Variants in FANK1 observed in about 807,000 individuals in gnomAD.
The protein encoded by FANK1 is fibronectin type 3 and ankyrin repeat domains protein 1.
FANK1 carries 44 observed loss-of-function variants against 45.3 expected under a neutral mutation model. That is an observed-to-expected ratio of 0.97 (90% CI 0.76 to 1.25). The LOEUF (loss-of-function observed/expected upper bound fraction) is 1.25. Among genes scored for constraint, FANK1 ranks in the 50% most tolerant of loss-of-function variants. The pLI, the probability that FANK1 is intolerant of heterozygous loss-of-function variation, is 0.00. For missense variants in FANK1, 391 were observed against 424.4 expected (o/e 0.92, Z 0.69); for synonymous variants, 149 against 152.5 (o/e 0.98, Z 0.17).
At chr10:126,006,445 C>T (rs886758688) in intron 7 of FANK1, among the ~76,000 whole-genome samples, 10 of 152,296 alleles carry the variant, frequency 6.6e-5, no homozygotes, top group Middle Eastern at 3.4e-3. Context: ...GCCGGGCCCA[C>T]GTGCCATGTG....
intron 1 of FANK1, 116 bp from the exon 2 acceptor site, chr10:125,980,045 T>C: frequency 9.4e-7 from 1 of 1,068,266 alleles, no homozygotes; most frequent in South Asian, 1.6e-5. Flanking sequence ...TATGCTCATA[T>C]GTGTGCCTTA....
intron 1 of FANK1, among the ~76,000 whole-genome samples, chr10:125,897,385 C>T (rs1161258203): frequency 6.6e-6 from 1 of 152,000 alleles, no homozygotes; most frequent in African/African-American, 2.4e-5. Flanking sequence ...CAAGGCCTTT[C>T]TTTCTCTGCC....
chr10:125,943,587 A>G (rs1948589460), intron 1 of FANK1, among the ~76,000 whole-genome samples: 1 of 152,210 alleles, frequency 6.6e-6, no homozygotes, highest in African/African-American at 2.4e-5. Flanking sequence ...GAATTATACA[A>G]TATGTGACCG....
chr10:125,958,579 C>T (rs931806910), intron 1 of FANK1, among the ~76,000 whole-genome samples: 3 of 152,110 alleles, frequency 2.0e-5, no homozygotes, highest in African/African-American at 7.2e-5. Flanking sequence ...TTTTCCATAG[C>T]GGCTATACTA....
chr10:125,973,323 AT>A (rs1950637054), intron 1 of FANK1: 1 of 497,678 alleles, frequency 2.0e-6, no homozygotes, highest in Non-Finnish European at 2.6e-6. Flanking sequence ...GCTTCTGGTT[AT>A]TTTGGGGGTA....
chr10:125,943,573 C>A (rs1311667163), intron 1 of FANK1, among the ~76,000 whole-genome samples: 1 of 152,166 alleles, frequency 6.6e-6, no homozygotes, highest in Non-Finnish European at 1.5e-5. Flanking sequence ...ATTTTGTATA[C>A]ATAGAATTAT....
chr10:126,005,409 G>A (rs960000596), intron 7 of FANK1, among the ~76,000 whole-genome samples: 2 of 151,222 alleles, frequency 1.3e-5, no homozygotes, highest in African/African-American at 4.9e-5. Context: ...CCAGGTTCAA[G>A]CGATTCTCCT....
At chr10:125,950,863 A>C (rs1035699822) in intron 1 of FANK1, among the ~76,000 whole-genome samples, 3 of 149,470 alleles carry the variant, frequency 2.0e-5, no homozygotes, top group Admixed American at 1.3e-4. Flanking sequence ...ACAATGATAG[A>C]CTGGATTAAG....
rs201552358 is a variant in FANK1, at chr10:126,004,921, G to A, written c.577G>A (p.Val193Met). ...GTGCTATGCGGGACACCTAGATGTTGTGAAATATCTCCGAAGACATGGCGC... is the reference window on the plus strand; with the variant it reads ...GTGCTATGCGGGACACCTAGATGTTATGAAATATCTCCGAAGACATGGCGC... ...LACYAGHLDV[V>M]KYLRRHGASW... Residue 193 changes from valine to methionine, a missense_variant, in exon 7 of 11, where the codon GTG (valine) becomes ATG (methionine). Physicochemically the swap from Val to Met is conservative, Grantham distance 21. Transcript: ENST00000368693. The A allele has an allele frequency of 6.2e-7, 1 of 1,614,226 alleles. No individual in the cohort carries two copies. The highest frequency in any genetic ancestry group is 8.5e-7 in the Non-Finnish European group (1 of 1,180,046).
rs561160252 is a variant in FANK1 at position 125,964,439 on chromosome 10, C to T, written c.14-15722C>T. Among the ~76,000 whole-genome samples, 8 of 152,154 alleles carry T rather than the reference C, an allele frequency of 5.3e-5. No homozygotes were observed. The South Asian group carries it at 6.2e-4, about 12-fold the overall frequency. On this transcript the variant is annotated intron_variant, in intron 1 of 10. Transcript: ENST00000368693. ...AACTCCTGACCTCAAGTGATCCACC[C>T]GTCTAGGCCTCCGAAAGTGCTGGAA...
At position 125,966,526 on chromosome 10, in the gene FANK1, A is replaced by C. The variant is rs576975141; in HGVS notation, c.14-13635A>C. Among the ~76,000 whole-genome samples the C allele has an allele frequency of 2.0e-5, 3 of 152,138 alleles. No individual in the cohort carries two copies. The South Asian group carries it at 6.2e-4, about 32-fold the overall frequency. On this transcript the variant is annotated intron_variant, in intron 1 of 10. Transcript: ENST00000368693. Reference sequence around the variant, plus strand: ...CTTCCCTCTTGGTCATCTTGGTTACACCTGTGCCCTCAGGACACAGGAGAG... The same window carrying C: ...CTTCCCTCTTGGTCATCTTGGTTACCCCTGTGCCCTCAGGACACAGGAGAG...
At chr10:126,008,910 G>T in intron 8 of FANK1, 144 bp from the exon 9 acceptor site, 1 of 721,248 alleles carries the variant, frequency 1.4e-6, no homozygotes, top group Non-Finnish European at 2.3e-6. Context: ...GAAGCGCTGT[G>T]CCTGCAGGCC....
intron 1 of FANK1, among the ~76,000 whole-genome samples, chr10:125,928,148 A>G (rs1475649198): frequency 6.6e-6 from 1 of 152,192 alleles, no homozygotes; most frequent in Non-Finnish European, 1.5e-5. Flanking sequence ...TTAAGAAAGT[A>G]GAAGAATAAA....
chr10:125,952,736 AGTT>A (rs1728689520), intron 1 of FANK1, among the ~76,000 whole-genome samples: 1 of 145,016 alleles, frequency 6.9e-6, no homozygotes, highest in South Asian at 2.2e-4. Context: ...TTGTTCTGTG[AGTT>A]GTTTGTCTCC....
At chr10:125,967,158 GTTT>G (rs1460312301) in intron 1 of FANK1, among the ~76,000 whole-genome samples, 1 of 152,002 alleles carries the variant, frequency 6.6e-6, no homozygotes. Context: ...TTCCTCTCTG[GTTT>G]TTATTTTTTG....
chr10:125,903,675 T>A (rs200536906), intron 1 of FANK1, among the ~76,000 whole-genome samples: 1 of 127,952 alleles, frequency 7.8e-6, no homozygotes, highest in South Asian at 2.6e-4. Flanking sequence ...AATTTTTTTT[T>A]AAGTTTTAAT....
chr10:125,965,611 C>T (rs769138483), intron 1 of FANK1, among the ~76,000 whole-genome samples: 6 of 152,204 alleles, frequency 3.9e-5, no homozygotes, highest in Non-Finnish European at 7.3e-5. Context: ...TAGCTTTGAA[C>T]AGGCTGCTGT....
chr10:126,001,595 T>G (rs1414184919), intron 6 of FANK1, among the ~76,000 whole-genome samples: 1 of 152,144 alleles, frequency 6.6e-6, no homozygotes, highest in Non-Finnish European at 1.5e-5. Flanking sequence ...TCTCCCACCT[T>G]GTGAACCAGA....
At chr10:125,951,686 C>T (rs948595133) in intron 1 of FANK1, among the ~76,000 whole-genome samples, 8 of 152,158 alleles carry the variant, frequency 5.3e-5, no homozygotes, top group African/African-American at 9.7e-5. Flanking sequence ...TTTTTAGTCT[C>T]CATTGTTTTA....
Sources: gnomAD v4.1 joint callset for allele counts (sites outside exome capture counted in the v4.1 genomes callset) on GRCh38, gnomAD v4.1.1 for gene constraint, MANE v1.5 for transcripts, NCBI Gene and HGNC (gene_info 2026-07-23, HGNC 2026-07-21) for gene names.